The following NME8 variants were observed in gnomAD, a reference collection of about 807,000 sequenced individuals.
NME8 encodes NME/NM23 family member 8.
A neutral mutation model predicts 82.3 loss-of-function variants in NME8; 72 were observed. The ratio of observed to expected loss-of-function variants is 0.87; its 90% CI spans 0.72 to 1.06. The LOEUF (loss-of-function observed/expected upper bound fraction) is 1.06, where lower values mean the gene tolerates loss of function less well. NME8 is among the 50% of genes least tolerant of loss of function. NME8 has a pLI of 0.00. For missense variants in NME8, 712 were observed against 685.4 expected (o/e 1.04, Z -0.43); for synonymous variants, 267 against 228.5 (o/e 1.17, Z -1.52).
At chr7:37,897,659 T>A (rs1785250630) in intron 17 of NME8, among the ~76,000 whole-genome samples, 1 of 151,994 alleles carries the variant, frequency 6.6e-6, no homozygotes, top group Non-Finnish European at 1.5e-5. Context: ...TTAGGATCCT[T>A]CCCCTCACCC....
chr7:37,875,671 G>A (rs79292466), intron 11 of NME8, among the ~76,000 whole-genome samples: 4,356 of 151,450 alleles, frequency 0.029, 206 homozygotes, highest in African/African-American at 0.099. Flanking sequence ...AAATAGCCAG[G>A]AAAAATAAAG....
Position 37,850,249 on chromosome 7 carries a change from T to C in NME8, c.-7-11T>C. 1.2e-6 allele frequency: 2 copies of C among 1,611,376 alleles called. No individual in the cohort carries two copies. The highest frequency in any genetic ancestry group is 1.7e-6 in the Non-Finnish European group (2 of 1,178,256). ...CTACTTAAAAATTTTTCTTTCTTTT[T>C]CCTATGATAGTAGATAAATGGCAAG... On this transcript the variant is annotated splice_polypyrimidine_tract_variant and intron_variant, in intron 2 of 17. Transcript: ENST00000199447.
intron 4 of NME8, 76 bp from the exon 5 acceptor site, chr7:37,850,553 C>T: frequency 6.6e-7 from 1 of 1,505,418 alleles, no homozygotes; most frequent in Non-Finnish European, 9.2e-7. Context: ...TTTGCCCTGG[C>T]CATGGCTCCA....
chr7:37,849,475 G>GCCTAGCATACA (rs1784407251), intron 2 of NME8, among the ~76,000 whole-genome samples: 1 of 152,154 alleles, frequency 6.6e-6, no homozygotes, highest in South Asian at 2.1e-4. Flanking sequence ...TTAGCATAGA[G>GCCTAGCATACA]CCTAGCATAC....
At position 37,882,613 on chromosome 7, in the gene NME8, G is replaced by GAGAGAAAGAA. The variant is rs1273553790; in HGVS notation, c.995-1687_995-1686insGAAAGAAAGA. 3.1e-3 allele frequency among the ~76,000 whole-genome samples: 265 copies of GAGAGAAAGAA among 85,004 alleles called. 1 individual carries two copies. The highest frequency in any genetic ancestry group is 7.4e-3 in the African/African-American group (204 of 27,746). The allele number at this position is 85,004 out of a possible 152,430, so 55.8% of individuals were successfully genotyped here. A position where few individuals can be genotyped will look rare whatever the true frequency, so the allele number is the denominator to read the frequency against. The stretch of plus-strand genomic sequence containing the variant: ...AAAGAAAGAAAGAGAGAGAGAGAGA[G>GAGAGAAAGAA]AGAAAGAAAGAAAGAAAGAAAGAAA... On this transcript the variant is annotated intron_variant, in intron 12 of 17. Coordinates refer to ENST00000199447, the MANE Select transcript of NME8 (RefSeq NM_016616.5).
Position 37,848,973 on chromosome 7 carries a change from G to C in NME8, c.-91G>C, listed in dbSNP as rs1448517993. On this transcript the variant is annotated 5_prime_UTR_variant, in exon 2 of 18. Transcript: ENST00000199447. ...AGGTCACCGCTCAAACGGCCACAAC[G>C]AGGGAGCCGATTTAGATCCTCTGGG... 1 of 152,290 alleles carries C rather than the reference G, an allele frequency of 6.6e-6. No individual in the cohort carries two copies. Among genetic ancestry groups the C allele is most frequent in the South Asian group, 2.1e-4 (1 of 4,820 alleles). The allele number at this position is 152,290 out of a possible 1,614,324, so 9.4% of individuals were successfully genotyped here.
At position 37,877,026 on chromosome 7, in the gene NME8, A is replaced by G. The variant is rs73340816; in HGVS notation, c.994+19A>G. The G allele has an allele frequency of 1.7e-3, 2,769 of 1,594,754 alleles. 9 individuals are homozygous for G. The African/African-American group carries it at 0.018, about 10-fold the overall frequency. On this transcript the variant is annotated intron_variant, in intron 12 of 17. Transcript: ENST00000199447. The stretch of plus-strand genomic sequence containing the variant: ...AGGAAAGGTAGGGAATCAAGCATAA[A>G]TTGTTTAAGTATTTTATATAGATGA...
chr7:37,889,565 T>C (rs1353252472), intron 15 of NME8, among the ~76,000 whole-genome samples: 7 of 151,990 alleles, frequency 4.6e-5, no homozygotes. Flanking sequence ...TCATTATTGA[T>C]TATTGATAAT....
At chr7:37,863,126 A>G (rs969846190) in intron 7 of NME8, among the ~76,000 whole-genome samples, 8 of 152,134 alleles carry the variant, frequency 5.3e-5, no homozygotes, top group Admixed American at 5.2e-4. Context: ...ACTCAAAAAA[A>G]ATTTAAAAAA....
chr7:37,871,176 G>A (rs1784761949), intron 11 of NME8, among the ~76,000 whole-genome samples: 1 of 152,090 alleles, frequency 6.6e-6, no homozygotes, highest in African/African-American at 2.4e-5. Flanking sequence ...GAGTCCCAGA[G>A]CTTTATTGGC....
In NME8 at chr7:37,850,922, C is replaced by G. The variant is rs140124846; in HGVS notation, c.198+187C>G. 4.9e-3 allele frequency among the ~76,000 whole-genome samples: 752 copies of G among 152,194 alleles called. 9 individuals are homozygous for G. Among genetic ancestry groups the G allele is most frequent in the African/African-American group, 0.017 (699 of 41,514 alleles). On this transcript the variant is annotated intron_variant, in intron 5 of 17. Coordinates refer to ENST00000199447, the MANE Select transcript of NME8 (RefSeq NM_016616.5). ...CTGAGAATGAATATGATTTTTATCC[C>G]ATTCTTATAACGTCGAGGCTATTTA...
Position 37,857,397 on chromosome 7 carries a change from A to C in NME8, c.270+52A>C, listed in dbSNP as rs781770917. 3.3e-5 allele frequency: 39 copies of C among 1,167,306 alleles called. No homozygotes were observed. In the Middle Eastern group the frequency reaches 7.7e-4, roughly 23 times the overall value. 72.3% of individuals were successfully genotyped at this position (1,167,306 alleles called of 1,614,324 possible). On this transcript the variant is annotated intron_variant, in intron 6 of 17. Coordinates refer to ENST00000199447, the MANE Select transcript of NME8 (RefSeq NM_016616.5). ...ATTATCAGATTCCAGTTTGCAGTTA[A>C]GAACAAGTAACATTGTAAAATTACC...
chr7:37,894,314 C>T, intron 15 of NME8, 152 bp from the exon 16 acceptor site: 1 of 780,668 alleles, frequency 1.3e-6, no homozygotes, highest in East Asian at 2.7e-5. Context: ...CAATTTGGTG[C>T]TTTGGAATTT....
chr7:37,888,286 A>G lies in NME8; in HGVS notation c.1257A>G (p.Ala419=), dbSNP rs775377614. The G allele has an allele frequency of 2.5e-6, 4 of 1,613,428 alleles. No homozygotes were observed. Among genetic ancestry groups the G allele is most frequent in the Non-Finnish European group, 3.4e-6 (4 of 1,179,626 alleles). Residue 419 remains alanine (A), a synonymous_variant, in exon 15 of 18, where the codon GCA becomes GCG. Coordinates refer to ENST00000199447, the MANE Select transcript of NME8 (RefSeq NM_016616.5). ...AIEYFPESLC[A]QFAMDSLPVN... is the part of the protein sequence containing the mutation. ...GACTTCTTTTTCAAAGTTTATGTGC[A>G]CAGTTTGCGATGGACAGTTTGCCGG...
At chr7:37,887,811 A>G (rs1304578979) in intron 14 of NME8, among the ~76,000 whole-genome samples, 1 of 152,140 alleles carries the variant, frequency 6.6e-6, no homozygotes, top group African/African-American at 2.4e-5. Context: ...CAGGAGAGAG[A>G]ATGAGTGCCA....
At chr7:37,866,678 G>GAGA (rs1277095622) in intron 10 of NME8, among the ~76,000 whole-genome samples, 2 of 152,230 alleles carry the variant, frequency 1.3e-5, no homozygotes, top group African/African-American at 4.8e-5. Flanking sequence ...GGGATAGGGA[G>GAGA]AGATTTGTTA....
chr7:37,865,774 GATA>G (rs1272712742), intron 10 of NME8, among the ~76,000 whole-genome samples, 157 bp downstream of exon 10: 1 of 152,122 alleles, frequency 6.6e-6, no homozygotes, highest in Non-Finnish European at 1.5e-5. Context: ...AGATGCCAAT[GATA>G]GTGGCTCTGA....
chr7:37,858,400 TCTC>T (rs1784544339), intron 6 of NME8, among the ~76,000 whole-genome samples: 1 of 152,198 alleles, frequency 6.6e-6, no homozygotes, highest in Non-Finnish European at 1.5e-5. Context: ...GCATTGTAGA[TCTC>T]CTCTAAGTTG....
At chr7:37,885,776 C>A (rs955396600) in intron 14 of NME8, among the ~76,000 whole-genome samples, 1 of 152,180 alleles carries the variant, frequency 6.6e-6, no homozygotes, top group African/African-American at 2.4e-5. Flanking sequence ...ATTTTCTGAG[C>A]TTACCTGCTA....
Sources: gnomAD v4.1 joint callset for allele counts (sites outside exome capture counted in the v4.1 genomes callset) on GRCh38, gnomAD v4.1.1 for gene constraint, MANE v1.5 for transcripts, NCBI Gene and HGNC (gene_info 2026-07-23, HGNC 2026-07-21) for gene names.